MAGI2: variants seen among roughly 807,000 people sequenced by gnomAD.
The protein encoded by MAGI2 is membrane associated guanylate kinase, WW and PDZ domain containing 2.
MAGI2 carries 35 observed loss-of-function variants against 133.3 expected under a neutral mutation model. The ratio of observed to expected loss-of-function variants is 0.26; its 90% confidence interval spans 0.20 to 0.35. The LOEUF (loss-of-function observed/expected upper bound fraction) is 0.35, where lower values mean the gene tolerates loss of function less well. MAGI2 is among the 10% of genes least tolerant of loss of function. The pLI is 1.00. For missense variants in MAGI2, 1,636 were observed against 1,863.4 expected, an observed-to-expected ratio of 0.88 and a Z score of 2.25; for synonymous variants, 729 against 710.6, an observed-to-expected ratio of 1.03 and a Z score of -0.41.
intron 9 of MAGI2, among the ~76,000 whole-genome samples, chr7:78,295,259 C>T (rs1028118265): frequency 6.6e-6 from 1 of 152,176 alleles, no homozygotes; most frequent in Admixed American, 6.6e-5. Context: ...GCTTTGTTTT[C>T]TTTTCAGCTG....
chr7:78,227,506 C>T (rs1256197987), intron 10 of MAGI2, among the ~76,000 whole-genome samples: 1 of 152,196 alleles, frequency 6.6e-6, no homozygotes, highest in Non-Finnish European at 1.5e-5. Context: ...CCTTTTCCCC[C>T]TTCTCTGTCC....
chr7:78,513,875 G>A (rs1250755690), intron 4 of MAGI2, among the ~76,000 whole-genome samples: 1 of 151,976 alleles, frequency 6.6e-6, no homozygotes, highest in East Asian at 1.9e-4. Flanking sequence ...GATCAGCTGA[G>A]GTCAGGAGTT....
At chr7:79,213,238 G>A (rs28653478) in intron 1 of MAGI2, among the ~76,000 whole-genome samples, 11,340 of 144,028 alleles carry the variant, frequency 0.079, 1,517 homozygotes, top group African/African-American at 0.27. Flanking sequence ...GTGTGTGTGT[G>A]TATATATGTG....
At chr7:79,047,028 A>G (rs1812238101) in intron 1 of MAGI2, among the ~76,000 whole-genome samples, 1 of 152,188 alleles carries the variant, frequency 6.6e-6, no homozygotes, top group Non-Finnish European at 1.5e-5. Flanking sequence ...ATTTTGAATG[A>G]ATATATTTTT....
At chr7:79,433,857 T>C (rs1585967630) in intron 1 of MAGI2, among the ~76,000 whole-genome samples, 1 of 152,018 alleles carries the variant, frequency 6.6e-6, no homozygotes, top group Non-Finnish European at 1.5e-5. Context: ...AAATATCAAG[T>C]ATAACAAAAC....
intron 9 of MAGI2, among the ~76,000 whole-genome samples, chr7:78,292,429 A>G (rs1029267041): frequency 6.7e-6 from 1 of 148,658 alleles, no homozygotes; most frequent in Non-Finnish European, 1.5e-5. Context: ...CAATGAAATA[A>G]AAGAGGACAC....
intron 1 of MAGI2, among the ~76,000 whole-genome samples, chr7:79,442,438 T>C (rs375144034): frequency 6.9e-6 from 1 of 145,780 alleles, no homozygotes; most frequent in African/African-American, 2.6e-5. Context: ...GCACTGAACC[T>C]TAGTGTTTGA....
At chr7:78,273,289 T>G (rs1794758116) in intron 9 of MAGI2, among the ~76,000 whole-genome samples, 1 of 152,242 alleles carries the variant, frequency 6.6e-6, no homozygotes, top group Admixed American at 6.5e-5. Context: ...CTTGTAGGGT[T>G]TCTGCAGGGA....
At chr7:78,050,651 A>G (rs1255920803) in intron 21 of MAGI2, among the ~76,000 whole-genome samples, 1 of 151,978 alleles carries the variant, frequency 6.6e-6, no homozygotes, top group Non-Finnish European at 1.5e-5. Context: ...CTGGTCAGAA[A>G]TGCTGTTTGT....
At chr7:78,678,401 C>T (rs1815284459) in intron 2 of MAGI2, among the ~76,000 whole-genome samples, 1 of 152,092 alleles carries the variant, frequency 6.6e-6, no homozygotes, top group Non-Finnish European at 1.5e-5. Context: ...CCTTTATCCC[C>T]AGAGTTTTTA....
chr7:78,362,756 G>A (rs1792954477), intron 7 of MAGI2, among the ~76,000 whole-genome samples: 1 of 152,184 alleles, frequency 6.6e-6, no homozygotes, highest in South Asian at 2.1e-4. Flanking sequence ...ACTATAAAGT[G>A]GAGTTTACTG....
chr7:78,664,745 A>C (rs902982430), intron 2 of MAGI2, among the ~76,000 whole-genome samples: 1 of 151,908 alleles, frequency 6.6e-6, no homozygotes, highest in African/African-American at 2.4e-5. Flanking sequence ...AACAATTATT[A>C]ATACGTGCCT....
Position 79,338,187 on chromosome 7 carries a change from A to G in MAGI2, c.301+114833T>C, listed in dbSNP as rs945010096. ...TTTCATTTTAGAAGGCAGTGAGACTAAGGGTGAGGTTGTTTATTTGTTGCT... is the reference window on the plus strand; with the variant it reads ...TTTCATTTTAGAAGGCAGTGAGACTGAGGGTGAGGTTGTTTATTTGTTGCT... On this transcript the variant is annotated intron_variant, in intron 1 of 21. Coordinates refer to ENST00000354212, the MANE Select transcript of MAGI2 (RefSeq NM_012301.4). Among the ~76,000 whole-genome samples the G allele has an allele frequency of 7.9e-5, 12 of 152,288 alleles. No homozygotes were observed. In the East Asian group the frequency reaches 2.1e-3, roughly 27 times the overall value.
chr7:78,765,936 A>G (rs1399503341), intron 2 of MAGI2, among the ~76,000 whole-genome samples: 9 of 152,244 alleles, frequency 5.9e-5, no homozygotes, highest in Non-Finnish European at 1.3e-4. Flanking sequence ...CAGAGGCACC[A>G]GCATGTGCTA....
At chr7:78,110,670 T>C (rs1819269052) in intron 20 of MAGI2, among the ~76,000 whole-genome samples, 1 of 152,164 alleles carries the variant, frequency 6.6e-6, no homozygotes, top group African/African-American at 2.4e-5. Flanking sequence ...AAGAAATATT[T>C]TGTCAAGTTG....
At chr7:79,039,047 G>A (rs1811373181) in intron 1 of MAGI2, among the ~76,000 whole-genome samples, 2 of 152,262 alleles carry the variant, frequency 1.3e-5, no homozygotes, top group South Asian at 4.1e-4. Flanking sequence ...ATCTTGAATT[G>A]TAATCTGAAT....
intron 2 of MAGI2, among the ~76,000 whole-genome samples, chr7:78,783,012 CTTTTTTTTTT>C (rs11432048): frequency 2.1e-5 from 2 of 96,232 alleles, no homozygotes; most frequent in Non-Finnish European, 3.9e-5. Context: ...TGATTCTTAC[CTTTTTTTTTT>C]TTTTTTTTTT....
At chr7:79,151,136 C>G (rs1823195038) in intron 1 of MAGI2, among the ~76,000 whole-genome samples, 1 of 152,006 alleles carries the variant, frequency 6.6e-6, no homozygotes, top group Non-Finnish European at 1.5e-5. Flanking sequence ...ACGAAGATGG[C>G]TATGTACTTT....
chr7:78,926,906 G>A (rs1799740078), intron 2 of MAGI2, among the ~76,000 whole-genome samples: 1 of 151,580 alleles, frequency 6.6e-6, no homozygotes, highest in Admixed American at 6.6e-5. Flanking sequence ...GTCACTGAGG[G>A]GAAACAGTGA....
Sources: gnomAD v4.1 joint callset for allele counts (sites outside exome capture counted in the v4.1 genomes callset) on GRCh38, gnomAD v4.1.1 for gene constraint, MANE v1.5 for transcripts, NCBI Gene and HGNC (gene_info 2026-07-23, HGNC 2026-07-21) for gene names.